Variants in DMRTB1 observed in about 807,000 individuals in gnomAD.
The protein encoded by DMRTB1 is doublesex- and mab-3-related transcription factor B1.
DMRTB1 carries 9 observed loss-of-function variants against 25.2 expected under a neutral mutation model. That is an observed-to-expected ratio of 0.36 (90% CI 0.22 to 0.62). The LOEUF (loss-of-function observed/expected upper bound fraction) is 0.62, where lower values mean the gene tolerates loss of function less well. DMRTB1 is among the 20% of genes least tolerant of loss of function. The probability of loss-of-function intolerance (pLI) is 0.71; values close to 1 mark genes in which losing one functional copy is unlikely to be tolerated. For synonymous variants in DMRTB1, 269 were observed against 238.1 expected, an observed-to-expected ratio of 1.13 and a Z score of -1.20; for missense variants, 551 against 499.3, an observed-to-expected ratio of 1.10 and a Z score of -0.99.
At chr1:53,462,843 G>A (rs1644029525) in intron 2 of DMRTB1, among the ~76,000 whole-genome samples, 1 of 152,200 alleles carries the variant, frequency 6.6e-6, no homozygotes, top group Admixed American at 6.5e-5. Flanking sequence ...CACCAGCACT[G>A]CTGCCTGCCT....
Position 53,464,701 on chromosome 1 carries a change from C to A in DMRTB1, c.815C>A (p.Pro272Gln). The A allele has an allele frequency of 6.2e-7, 1 of 1,613,646 alleles. No individual in the cohort carries two copies. Among genetic ancestry groups the A allele is most frequent in the Non-Finnish European group, 8.5e-7 (1 of 1,179,828 alleles). ...CTGCCGCCGCCGCCGCCGCCACTGC[C>A]GCCCCTTCCACCGCTTCCACCGCAG... ...YYLPPPPPPL[P>Q]PLPPLPPQPQ... The change falls in exon 3 of 4, where the codon CCG (proline) becomes CAG (glutamine). Residue 272 changes from proline to glutamine, a missense_variant. Physicochemically the swap from Pro to Gln is moderately conservative, Grantham distance 76 (BLOSUM62 -1). Transcript: ENST00000371445.
chr1:53,459,939 T>G lies in DMRTB1; in HGVS notation c.486T>G (p.Phe162Leu). 1 of 1,567,020 alleles carries G rather than the reference T, an allele frequency of 6.4e-7. No homozygotes were observed. The highest frequency in any genetic ancestry group is 8.6e-7 in the Non-Finnish European group (1 of 1,165,964). The part of the protein sequence containing the change: ...VAMPSLAGPP[F>L]GAEAAGSGYP... The stretch of plus-strand genomic sequence containing the variant: ...TGCCCAGCCTTGCGGGACCCCCTTT[T>G]GGGGCGGAGGCCGCAGGCAGTGGCT... Residue 162 changes from phenylalanine to leucine, a missense_variant, in exon 1 of 4, where the codon TTT (phenylalanine) becomes TTG (leucine). Phe to Leu is a conservative substitution (Grantham distance 22). Coordinates refer to ENST00000371445, the MANE Select transcript of DMRTB1 (RefSeq NM_033067.3).
Position 53,461,637 on chromosome 1 carries a change from G to A in DMRTB1, c.742G>A (p.Gly248Arg), listed in dbSNP as rs375707043. ...TGTGTCCCGCAGCCAGTACCAAGGCGGAGGCTTGGTGAGTCCCACCCCTCA... is the reference window on the plus strand; with the variant it reads ...TGTGTCCCGCAGCCAGTACCAAGGCAGAGGCTTGGTGAGTCCCACCCCTCA... The part of the protein sequence containing the change: ...RHVSRSQYQG[G>R]GLVSEPGGDF... Residue 248 changes from glycine (G) to arginine (R), a missense_variant, in exon 2 of 4, where the codon GGA becomes AGA. Gly to Arg is a moderately radical substitution (Grantham distance 125). Coordinates refer to ENST00000371445, the MANE Select transcript of DMRTB1 (RefSeq NM_033067.3). 20 of 1,590,984 alleles carry A rather than the reference G, an allele frequency of 1.3e-5. No individual in the cohort carries two copies. The highest frequency in any genetic ancestry group is 3.4e-5 in the Admixed American group (2 of 58,118).
At chr1:53,460,475 G>T (rs1000396483) in intron 1 of DMRTB1, 8 of 154,512 alleles carry the variant, frequency 5.2e-5, no homozygotes, top group Non-Finnish European at 1.1e-4. Context: ...CTTCCCTCCC[G>T]GTTCGCGGTC....
Position 53,459,714 on chromosome 1 carries a change from C to T in DMRTB1, c.261C>T (p.Pro87=). 7.1e-7 allele frequency: 1 copy of T among 1,399,372 alleles called. No homozygotes were observed. Among genetic ancestry groups the T allele is most frequent in the Non-Finnish European group, 9.2e-7 (1 of 1,081,142 alleles). 86.7% of individuals were successfully genotyped at this position (1,399,372 alleles called of 1,614,324 possible). A position where few individuals can be genotyped will look rare whatever the true frequency, so the allele number is the denominator to read the frequency against. The change falls in exon 1 of 4, where the codon CCC becomes CCT. Residue 87 remains proline (P), a synonymous_variant. Coordinates refer to ENST00000371445, the MANE Select transcript of DMRTB1 (RefSeq NM_033067.3). The part of the protein sequence containing the change: ...ASGAAAAAPA[P]VPVPAASLRP... ...GGGCTGCGGCCGCCGCCCCCGCCCC[C>T]GTCCCCGTCCCGGCCGCGAGCCTCC... is the stretch of plus-strand genomic sequence containing the variant.
Position 53,467,314 on chromosome 1 carries a change from A to C in DMRTB1, c.*652A>C, listed in dbSNP as rs1644055897. On this transcript the variant is annotated 3_prime_UTR_variant, in exon 4 of 4. Transcript: ENST00000371445. Reference sequence around the variant, plus strand: ...CCATTATGGGCACTGGTTTTAAAAAATTTATTAGTTTGACTATTTGATGTT... The same window carrying C: ...CCATTATGGGCACTGGTTTTAAAAACTTTATTAGTTTGACTATTTGATGTT... The C allele has an allele frequency of 6.5e-6, 1 of 152,718 alleles. No homozygotes were observed. Among genetic ancestry groups the C allele is most frequent in the Admixed American group, 6.5e-5 (1 of 15,298 alleles). 9.5% of individuals were successfully genotyped at this position (152,718 alleles called of 1,614,324 possible).
In DMRTB1 at chr1:53,464,722, C is replaced by T. The variant is rs545617032; in HGVS notation, c.836C>T (p.Pro279Leu). 2.5e-5 allele frequency: 40 copies of T among 1,613,488 alleles called. No individual in the cohort carries two copies. The highest frequency in any genetic ancestry group is 6.7e-5 in the Admixed American group (4 of 60,004). The part of the protein sequence containing the change: ...PPLPPLPPLP[P>L]QPQFLPPGYL... ...CTGCCGCCCCTTCCACCGCTTCCAC[C>T]GCAGCCCCAGTTCCTCCCGCCAGGC... Residue 279 changes from proline (P) to leucine (L), a missense_variant, in exon 3 of 4, where the codon CCG becomes CTG. Physicochemically the swap from Pro to Leu is moderately conservative, Grantham distance 98. Coordinates refer to ENST00000371445, the MANE Select transcript of DMRTB1 (RefSeq NM_033067.3).
chr1:53,462,014 C>G (rs1211384448), intron 2 of DMRTB1, among the ~76,000 whole-genome samples: 2 of 152,142 alleles, frequency 1.3e-5, no homozygotes, highest in African/African-American at 4.8e-5. Context: ...TAGGGCAGAG[C>G]CAGGACCAGA....
Position 53,461,484 on chromosome 1 carries a change from A to T in DMRTB1, c.589A>T (p.Asn197Tyr). ...PLFTDFVRPL[N>Y]INPDRALGPE... The stretch of plus-strand genomic sequence containing the variant: ...CTTGCGTTCTTTAGTGCGCCCTCTG[A>T]ACATCAACCCGGACCGTGCACTGGG... The change falls in exon 2 of 4, where the codon AAC (asparagine) becomes TAC (tyrosine). Residue 197 changes from asparagine to tyrosine, a missense_variant. Asn to Tyr is a moderately radical substitution (Grantham distance 143, BLOSUM62 -2). Coordinates refer to ENST00000371445, the MANE Select transcript of DMRTB1 (RefSeq NM_033067.3). 1 of 1,591,014 alleles carries T rather than the reference A, an allele frequency of 6.3e-7. No homozygotes were observed. Among genetic ancestry groups the T allele is most frequent in the Non-Finnish European group, 8.6e-7 (1 of 1,168,156 alleles).
Position 53,461,659 on chromosome 1 carries a change from C to A in DMRTB1, c.750+14C>A. On this transcript the variant is annotated intron_variant, in intron 2 of 3. Transcript: ENST00000371445. Reference sequence around the variant, plus strand: ...GGCGGAGGCTTGGTGAGTCCCACCCCTCACTTCTTGCCAGCTTCCTCCACC... The same window carrying A: ...GGCGGAGGCTTGGTGAGTCCCACCCATCACTTCTTGCCAGCTTCCTCCACC... The A allele has an allele frequency of 6.5e-7, 1 of 1,545,722 alleles. No individual in the cohort carries two copies.
At position 53,459,756 on chromosome 1, in the gene DMRTB1, G is replaced by C. The variant is rs1231876735; in HGVS notation, c.303G>C (p.Gly101=). The change falls in exon 1 of 4, where the codon GGG becomes GGC. Residue 101 remains glycine, a synonymous_variant. Coordinates refer to ENST00000371445, the MANE Select transcript of DMRTB1 (RefSeq NM_033067.3). ...PAASLRPLSP[G]TPSGDADPGP... ...CGAGCCTCCGCCCGCTGTCCCCGGG[G>C]ACTCCCTCCGGAGACGCCGACCCGG... 7.3e-7 allele frequency: 1 copy of C among 1,363,872 alleles called. No individual in the cohort carries two copies. 84.5% of individuals were successfully genotyped at this position (1,363,872 alleles called of 1,614,324 possible). A position where few individuals can be genotyped will look rare whatever the true frequency, so the allele number is the denominator to read the frequency against.
intron 3 of DMRTB1, 35 bp downstream of exon 3, chr1:53,464,882 G>A: frequency 1.2e-6 from 2 of 1,612,602 alleles, no homozygotes; most frequent in South Asian, 1.1e-5. Flanking sequence ...TTCAGCGAGA[G>A]CCAGGGAGAC....
intron 3 of DMRTB1, among the ~76,000 whole-genome samples, chr1:53,466,310 G>T (rs58259609): frequency 0.17 from 26,419 of 151,790 alleles, 2,633 homozygotes; most frequent in East Asian, 0.47. Context: ...GGCCAACATG[G>T]GGCAACCCTG....
rs773286654 is a variant in DMRTB1, at chr1:53,466,555, C to T, written c.962-40C>T. The T allele has an allele frequency of 2.8e-5, 44 of 1,575,198 alleles. No individual in the cohort carries two copies. In the Admixed American group the frequency reaches 5.1e-4, roughly 18 times the overall value. On this transcript the variant is annotated intron_variant, in intron 3 of 3. Transcript: ENST00000371445. ...TCTGCAAATAGGTAGTTGTAATTTT[C>T]GCTCTTTCTAAATCCAGCTACCTTC... is the stretch of plus-strand genomic sequence containing the variant.
chr1:53,466,232 G>A (rs1401536274), intron 3 of DMRTB1, among the ~76,000 whole-genome samples: 1 of 152,220 alleles, frequency 6.6e-6, no homozygotes, highest in African/African-American at 2.4e-5. Flanking sequence ...ACTCACACCT[G>A]TGATCCCAGC....
rs2100639311 is a variant in DMRTB1 at position 53,464,647 on chromosome 1, C to G, written c.761C>G (p.Pro254Arg). 3 of 1,613,508 alleles carry G rather than the reference C, an allele frequency of 1.9e-6. No individual in the cohort carries two copies. Among genetic ancestry groups the G allele is most frequent in the Non-Finnish European group, 2.5e-6 (3 of 1,180,014 alleles). ...QYQGGGLVSEPGGDFQPSYYL... is the reference protein window; with the variant it reads ...QYQGGGLVSERGGDFQPSYYL... ...GTGTGTGCCGTGCAGGTGTCAGAACCAGGAGGAGACTTCCAGCCAAGCTAC... is the reference window on the plus strand; with the variant it reads ...GTGTGTGCCGTGCAGGTGTCAGAACGAGGAGGAGACTTCCAGCCAAGCTAC... Residue 254 changes from proline (P) to arginine (R), a missense_variant, in exon 3 of 4, where the codon CCA (proline) becomes CGA (arginine). By Grantham distance (103) the Pro-to-Arg change is moderately radical. Transcript: ENST00000371445.
At chr1:53,465,540 C>A (rs1342971) in intron 3 of DMRTB1, among the ~76,000 whole-genome samples, 7,731 of 152,320 alleles carry the variant, frequency 0.051, 257 homozygotes, top group Non-Finnish European at 0.076. Flanking sequence ...TTTCAGTCTT[C>A]CCCTGGGGCT....
chr1:53,465,941 A>G (rs574927588), intron 3 of DMRTB1, among the ~76,000 whole-genome samples: 3 of 152,364 alleles, frequency 2.0e-5, no homozygotes, highest in African/African-American at 7.2e-5. Flanking sequence ...AAGGTGGCCT[A>G]TCACTGTCTG....
chr1:53,464,779 C>T lies in DMRTB1; in HGVS notation c.893C>T (p.Pro298Leu). The change falls in exon 3 of 4, where the codon CCA (proline) becomes CTA (leucine). Residue 298 changes from proline to leucine, a missense_variant. By Grantham distance (98) the Pro-to-Leu change is moderately conservative. Coordinates refer to ENST00000371445, the MANE Select transcript of DMRTB1 (RefSeq NM_033067.3). ...YLSALHFLPP[P>L]PPPPPPSSFS... ...TCTGCGCTCCACTTCCTCCCCCCGC[C>T]ACCGCCACCACCACCTCCATCATCT... The T allele has an allele frequency of 6.2e-7, 1 of 1,613,732 alleles. No individual in the cohort carries two copies. The highest frequency in any genetic ancestry group is 8.5e-7 in the Non-Finnish European group (1 of 1,179,782).
Sources: gnomAD v4.1 joint callset for allele counts (sites outside exome capture counted in the v4.1 genomes callset) on GRCh38, gnomAD v4.1.1 for gene constraint, MANE v1.5 for transcripts, NCBI Gene and HGNC (gene_info 2026-07-23, HGNC 2026-07-21) for gene names.